TMC7: variants seen among roughly 807,000 people sequenced by gnomAD.
TMC7 encodes transmembrane channel like 7, also known as transmembrane channel-like protein 7.
TMC7 carries 54 observed loss-of-function variants against 82.9 expected under a neutral mutation model. That is an observed-to-expected ratio of 0.65 (90% CI 0.52 to 0.82). The LOEUF (loss-of-function observed/expected upper bound fraction) is 0.82, where lower values mean the gene tolerates loss of function less well. TMC7 is among the 40% of genes least tolerant of loss of function. The probability of loss-of-function intolerance (pLI) is 0.00; values close to 1 mark genes in which losing one functional copy is unlikely to be tolerated. For synonymous variants in TMC7, 350 were observed against 337.9 expected (o/e 1.04, Z -0.39); for missense variants, 820 against 901.2 (o/e 0.91, Z 1.15).
Position 18,984,243 on chromosome 16 carries a change from C to G in TMC7, c.67+113C>G, listed in dbSNP as rs2038803035. ...CCGCTGTTCCCTCCCACCCCCGACG[C>G]CGGGTGCTCCCGGCTCTGGGGAACA... On this transcript the variant is annotated intron_variant, in intron 1 of 15. Transcript: ENST00000304381. 2.2e-6 allele frequency: 3 copies of G among 1,343,778 alleles called. No homozygotes were observed. In the South Asian group the frequency reaches 5.6e-5, roughly 25 times the overall value. 83.2% of individuals were successfully genotyped at this position (1,343,778 alleles called of 1,614,324 possible). A position where few individuals can be genotyped will look rare whatever the true frequency, so the allele number is the denominator to read the frequency against.
At chr16:19,035,981 C>T (rs769263590) in intron 7 of TMC7, among the ~76,000 whole-genome samples, 158 bp downstream of exon 7, 1 of 152,038 alleles carries the variant, frequency 6.6e-6, no homozygotes, top group Admixed American at 6.6e-5. Context: ...CGTTTCACAG[C>T]GAACACGTTA....
At chr16:19,013,916 C>T (rs1959529744) in intron 2 of TMC7, among the ~76,000 whole-genome samples, 1 of 148,976 alleles carries the variant, frequency 6.7e-6, no homozygotes, top group East Asian at 2.0e-4. Context: ...TGCACTGGCA[C>T]CATCTTGGGT....
chr16:19,021,562 G>A, intron 3 of TMC7, 67 bp from the exon 4 acceptor site: 1 of 1,522,814 alleles, frequency 6.6e-7, no homozygotes, highest in Middle Eastern at 1.7e-4. Flanking sequence ...TTTTGTGGCT[G>A]ATTGAATCTA....
At chr16:19,036,360 T>A (rs1286626654) in intron 7 of TMC7, among the ~76,000 whole-genome samples, 1 of 152,050 alleles carries the variant, frequency 6.6e-6, no homozygotes, top group African/African-American at 2.4e-5. Context: ...ATACAAAAAA[T>A]TAGCCAGGCA....
chr16:19,005,641 C>T (rs987713816), intron 1 of TMC7, among the ~76,000 whole-genome samples: 1 of 152,188 alleles, frequency 6.6e-6, no homozygotes, highest in Admixed American at 6.5e-5. Context: ...GGCCCCTGAC[C>T]CCACAGCTGT....
At chr16:18,993,034 T>C (rs866200232) in intron 1 of TMC7, among the ~76,000 whole-genome samples, 49 of 152,214 alleles carry the variant, frequency 3.2e-4, no homozygotes, top group South Asian at 1.4e-3. Context: ...GGTAGCATGA[T>C]GCCTCCAGCT....
intron 13 of TMC7, among the ~76,000 whole-genome samples, chr16:19,052,577 C>T (rs549657601): frequency 1.3e-5 from 2 of 152,170 alleles, no homozygotes; most frequent in East Asian, 1.9e-4. Context: ...TTTGGGAGGC[C>T]CAGGTGGGGG....
At chr16:19,035,591 C>G in intron 6 of TMC7, 85 bp from the exon 7 acceptor site, 1 of 1,559,570 alleles carries the variant, frequency 6.4e-7, no homozygotes, top group East Asian at 2.2e-5. Context: ...CTATGTCTAA[C>G]TTTTTAAGTT....
At chr16:19,009,731 G>A (rs1567507816) in intron 2 of TMC7, among the ~76,000 whole-genome samples, 1 of 151,974 alleles carries the variant, frequency 6.6e-6, no homozygotes, top group African/African-American at 2.4e-5. Flanking sequence ...CCTGAGGTCA[G>A]GAGTTCGAGA....
chr16:19,006,269 C>A (rs138165626), intron 1 of TMC7, among the ~76,000 whole-genome samples: 18 of 150,686 alleles, frequency 1.2e-4, no homozygotes, highest in Non-Finnish European at 2.7e-4. Context: ...GGCACGATCT[C>A]GGCTCACTGC....
intron 7 of TMC7, among the ~76,000 whole-genome samples, chr16:19,036,401 T>C (rs942859529): frequency 6.6e-6 from 1 of 152,082 alleles, no homozygotes; most frequent in Admixed American, 6.5e-5. Flanking sequence ...CCCAGCTACT[T>C]GGGAGTCTGA....
intron 5 of TMC7, among the ~76,000 whole-genome samples, chr16:19,029,490 C>T (rs1960402717): frequency 6.6e-6 from 1 of 152,098 alleles, no homozygotes; most frequent in Non-Finnish European, 1.5e-5. Context: ...TTATTCCAGC[C>T]TCCTGAGCAG....
At position 19,044,915 on chromosome 16, in the gene TMC7, G is replaced by A. The variant is rs753531513; in HGVS notation, c.1369G>A (p.Val457Ile). The A allele has an allele frequency of 3.1e-6, 5 of 1,613,440 alleles. No homozygotes were observed. In the African/African-American group the frequency reaches 4.0e-5, roughly 13 times the overall value. ...CTTTATGCGGCTGGCCACCATATGT[G>A]TCCTGGTGTTCACGCTGGGCTCCAA... The part of the protein sequence containing the change: ...CVFMRLATIC[V>I]LVFTLGSKIT... Residue 457 changes from valine to isoleucine, a missense_variant, in exon 10 of 16, where the codon GTC becomes ATC. Val to Ile is a conservative substitution (Grantham distance 29). Coordinates refer to ENST00000304381, the MANE Select transcript of TMC7 (RefSeq NM_024847.4).
At chr16:19,021,904 AT>A in intron 4 of TMC7, 108 bp downstream of exon 4, 2 of 1,308,074 alleles carry the variant, frequency 1.5e-6, no homozygotes, top group Non-Finnish European at 1.0e-6. Flanking sequence ...GGGCGACTGT[AT>A]TAGTCAGGAT....
intron 12 of TMC7, chr16:19,049,480 C>A: frequency 3.8e-6 from 1 of 259,956 alleles, no homozygotes; most frequent in Non-Finnish European, 6.0e-6. Context: ...TTGGGCCAAC[C>A]GTTCTACCTG....
intron 14 of TMC7, 151 bp downstream of exon 14, chr16:19,056,848 G>C (rs1961797736): frequency 6.7e-6 from 6 of 899,348 alleles, no homozygotes; most frequent in Non-Finnish European, 9.9e-6. Context: ...TAATAGGCCA[G>C]GCGCGGTGGC....
At chr16:19,016,653 G>A (rs1299133666) in intron 3 of TMC7, 55 bp downstream of exon 3, 1 of 1,575,022 alleles carries the variant, frequency 6.3e-7, no homozygotes. Context: ...TGTCTGGGGA[G>A]CAAGTACAGC....
intron 5 of TMC7, among the ~76,000 whole-genome samples, chr16:19,024,086 A>G (rs1432092463): frequency 2.6e-5 from 4 of 152,158 alleles, no homozygotes; most frequent in Non-Finnish European, 5.9e-5. Context: ...AATGGACTTA[A>G]TCTCTTTGCT....
chr16:19,053,849 C>CTTTTTTTTTTTTTTTTTT (rs35024702), intron 13 of TMC7, among the ~76,000 whole-genome samples: 1 of 138,022 alleles, frequency 7.2e-6, no homozygotes, highest in Admixed American at 7.3e-5. Context: ...TCTTTTCTTT[C>CTTTTTTTTTTTTTTTTTT]TTTTTTTTTT....
Sources: allele counts gnomAD v4.1 joint callset (sites outside exome capture counted in the v4.1 genomes callset), GRCh38; gene constraint gnomAD v4.1.1; transcripts MANE v1.5; gene names NCBI Gene and HGNC (gene_info 2026-07-23, HGNC 2026-07-21).